The following IKBIP variants were observed in gnomAD, a reference collection of about 807,000 sequenced individuals.
IKBIP encodes the protein IKBKB interacting protein.
A neutral mutation model predicts 31.0 loss-of-function variants in IKBIP; 28 were observed. That is an observed-to-expected ratio of 0.90 (90% CI 0.67 to 1.24). IKBIP has a LOEUF of 1.24. Ranked by LOEUF, IKBIP falls within the 50% of genes most tolerant of loss-of-function variation. IKBIP has a pLI of 0.00. For synonymous variants in IKBIP, 164 were observed against 160.3 expected (o/e 1.02, Z -0.17); for missense variants, 453 against 441.9 (o/e 1.03, Z -0.23).
intron 1 of IKBIP, among the ~76,000 whole-genome samples, chr12:98,638,426 C>T (rs1593000490): frequency 6.6e-6 from 1 of 152,064 alleles, no homozygotes; most frequent in East Asian, 1.9e-4. Context: ...GGAACACAGG[C>T]GTGTGCCATA....
At chr12:98,621,893 T>C (rs1018630307), downstream of IKBIP, among the ~76,000 whole-genome samples, 1 of 151,894 alleles carries the variant, frequency 6.6e-6, no homozygotes, top group South Asian at 2.1e-4. Context: ...CTGGCCAACA[T>C]GGAGAAACCT....
intron 1 of IKBIP, among the ~76,000 whole-genome samples, chr12:98,640,770 G>GC (rs1281113658): frequency 2.0e-5 from 3 of 151,472 alleles, no homozygotes; most frequent in African/African-American, 7.3e-5. Context: ...GATATATCAG[G>GC]CCTTTTTTTT....
rs904254355 is a variant in IKBIP, at chr12:98,641,901, C to T, written c.179+2622G>A. On this transcript the variant is annotated intron_variant, in intron 1 of 2. Transcript: ENST00000299157. ...AACTCCTGACCTCAAGCAATTCTCTCGCCTCAGTTTCCCAAAGTGTTGGGA... is the reference window on the plus strand; with the variant it reads ...AACTCCTGACCTCAAGCAATTCTCTTGCCTCAGTTTCCCAAAGTGTTGGGA... Among the ~76,000 whole-genome samples the T allele has an allele frequency of 2.0e-5, 3 of 152,236 alleles. 1 individual carries two copies. The highest frequency in any genetic ancestry group is 6.5e-5 in the Admixed American group (1 of 15,284).
At chr12:98,639,070 TCA>T (rs1411842135) in intron 1 of IKBIP, among the ~76,000 whole-genome samples, 1 of 152,168 alleles carries the variant, frequency 6.6e-6, no homozygotes, top group African/African-American at 2.4e-5. Context: ...AGATGGAGTC[TCA>T]CTCTGTTGTC....
downstream of IKBIP, among the ~76,000 whole-genome samples, chr12:98,622,249 G>C (rs2097610719): frequency 6.6e-6 from 1 of 151,986 alleles, no homozygotes; most frequent in South Asian, 2.1e-4. Flanking sequence ...TTATAGGCTG[G>C]GTATGGTGGC....
At chr12:98,614,164 G>A (rs928474684) in exon 3 of IKBIP, 1 of 1,613,644 alleles carries the variant, frequency 6.2e-7, no homozygotes, top group Non-Finnish European at 8.5e-7. Flanking sequence ...TTGTACTTTG[G>A]TCTACTTTTG....
At chr12:98,621,280 C>T (rs536732006), downstream of IKBIP, among the ~76,000 whole-genome samples, 1 of 152,136 alleles carries the variant, frequency 6.6e-6, no homozygotes, top group South Asian at 2.1e-4. Context: ...AAAACCTAAG[C>T]CCTAAAATAA....
chr12:98,614,263 T>G, exon 3 of IKBIP: 1 of 1,611,550 alleles, frequency 6.2e-7, no homozygotes, highest in South Asian at 1.1e-5. Context: ...CCTCATTAAT[T>G]TCTTCCTGTA....
At chr12:98,629,931 T>C (rs1432764665) in intron 2 of IKBIP, among the ~76,000 whole-genome samples, 1 of 152,198 alleles carries the variant, frequency 6.6e-6, no homozygotes, top group African/African-American at 2.4e-5. Context: ...TTTTCATTTT[T>C]ATTTACTAAA....
rs377138333 is a variant in IKBIP at position 98,640,109 on chromosome 12, CATAATT to C, written c.179+4408_179+4413del. The stretch of plus-strand genomic sequence containing the variant: ...CTTAAAGAGCTTTTGACTTTTTGTA[CATAATT>C]ATAACAGATACTATAAAAAACTTTT... On this transcript the variant is annotated intron_variant, in intron 1 of 2. Transcript: ENST00000299157. Among the ~76,000 whole-genome samples the C allele has an allele frequency of 6.8e-3, 1,038 of 152,238 alleles. 7 individuals are homozygous for C. Among genetic ancestry groups the C allele is most frequent in the South Asian group, 0.018 (89 of 4,814 alleles).
intron 2 of IKBIP, among the ~76,000 whole-genome samples, chr12:98,632,106 G>A (rs1029317729): frequency 2.0e-5 from 3 of 151,786 alleles, no homozygotes; most frequent in Non-Finnish European, 2.9e-5. Flanking sequence ...TGCCTGCTTC[G>A]GCCTCCCAGT....
At position 98,634,843 on chromosome 12, in the gene IKBIP, A is replaced by G. The variant is rs539448925; in HGVS notation, c.180-430T>C. Among the ~76,000 whole-genome samples, 1,327 of 147,300 alleles carry G rather than the reference A, an allele frequency of 9.0e-3. 26 individuals carry two copies. Among genetic ancestry groups the G allele is most frequent in the Non-Finnish European group, 9.5e-3 (640 of 67,122 alleles). ...TCCTGCCTCAGCCTCCCGAGTAGCT[A>G]CGACTACAGGCGCCTGCCACCACGC... is the stretch of plus-strand genomic sequence containing the variant. On this transcript the variant is annotated intron_variant, in intron 1 of 2. Coordinates refer to ENST00000299157, the MANE Select transcript of IKBIP (RefSeq NM_153687.4).
intron 1 of IKBIP, among the ~76,000 whole-genome samples, chr12:98,634,708 GC>G (rs1359908689): frequency 4.1e-5 from 6 of 145,900 alleles, no homozygotes; most frequent in African/African-American, 1.0e-4. Flanking sequence ...GTGGTCTTTA[GC>G]CTTTTTTTTT....
At chr12:98,621,356 A>G (rs1480930067), downstream of IKBIP, among the ~76,000 whole-genome samples, 1 of 152,268 alleles carries the variant, frequency 6.6e-6, no homozygotes, top group Non-Finnish European at 1.5e-5. Flanking sequence ...AGGACTCTTC[A>G]GCACTGCTTT....
intron 1 of IKBIP, among the ~76,000 whole-genome samples, chr12:98,640,880 A>G (rs1270634370): frequency 6.6e-6 from 1 of 151,468 alleles, no homozygotes; most frequent in African/African-American, 2.4e-5. Flanking sequence ...TCCAACCTCA[A>G]CCCCCCAAGT....
chr12:98,618,844 A>C (rs1207780119), intron 2 of IKBIP, among the ~76,000 whole-genome samples: 1 of 152,224 alleles, frequency 6.6e-6, no homozygotes, highest in Admixed American at 6.5e-5. Flanking sequence ...ACTTAACACA[A>C]ATAAAAATGA....
chr12:98,639,398 A>T (rs1428783325), intron 1 of IKBIP, among the ~76,000 whole-genome samples: 2 of 152,230 alleles, frequency 1.3e-5, no homozygotes, highest in Non-Finnish European at 1.5e-5. Context: ...TAGACCACTT[A>T]TAAATCACTA....
At position 98,626,077 on chromosome 12, in the gene IKBIP, C is replaced by T. The variant is rs757031746; in HGVS notation, c.987G>A (p.Gln329=). The change falls in exon 3 of 3, where the codon CAG becomes CAA. Residue 329 remains glutamine, a synonymous_variant. Transcript: ENST00000299157. Reference sequence around the variant, plus strand: ...GCATCTTTAATATGCTATTATCATACTGAATTCCTTCAAGGGTTTTCTGCA... The same window carrying T: ...GCATCTTTAATATGCTATTATCATATTGAATTCCTTCAAGGGTTTTCTGCA... ...MEMQKTLEGI[Q]YDNSILKMQN... 9 of 1,599,458 alleles carry T rather than the reference C, an allele frequency of 5.6e-6. No homozygotes were observed. In the Admixed American group the frequency reaches 8.7e-5, roughly 15 times the overall value.
chr12:98,644,182 A>AACTT (rs914816862), intron 1 of IKBIP, among the ~76,000 whole-genome samples: 2 of 152,194 alleles, frequency 1.3e-5, no homozygotes, highest in Non-Finnish European at 2.9e-5. Context: ...GACAGGAAGT[A>AACTT]ACGGTTTATA....
Sources: gnomAD v4.1 joint callset for allele counts (sites outside exome capture counted in the v4.1 genomes callset) on GRCh38, gnomAD v4.1.1 for gene constraint, MANE v1.5 for transcripts, NCBI Gene and HGNC (gene_info 2026-07-23, HGNC 2026-07-21) for gene names.